Variants in SGCZ observed in about 807,000 individuals in gnomAD.
SGCZ encodes the protein sarcoglycan zeta, also known as zeta-sarcoglycan.
Under a neutral mutation model 41.3 loss-of-function variants are expected in SGCZ, and 40 were observed. The ratio of observed to expected loss-of-function variants is 0.97; its 90% CI spans 0.75 to 1.26. The LOEUF (loss-of-function observed/expected upper bound fraction) is 1.26. SGCZ is among the 50% of genes most tolerant of loss of function. SGCZ has a pLI of 0.00. For missense variants in SGCZ, 552 were observed against 369.8 expected (o/e 1.49, Z -4.04); for synonymous variants, 206 against 137.5 (o/e 1.50, Z -3.49).
chr8:14,903,827 T>C (rs1337759031), intron 1 of SGCZ, among the ~76,000 whole-genome samples: 3 of 151,936 alleles, frequency 2.0e-5, no homozygotes, highest in African/African-American at 4.8e-5. Flanking sequence ...AGGAGACATA[T>C]TGCTGATTTT....
intron 1 of SGCZ, among the ~76,000 whole-genome samples, chr8:15,002,649 T>A (rs1197607380): frequency 6.6e-6 from 1 of 152,186 alleles, no homozygotes; most frequent in East Asian, 1.9e-4. Flanking sequence ...CTCATCACCT[T>A]CTCAAGCTTT....
intron 2 of SGCZ, among the ~76,000 whole-genome samples, chr8:14,551,507 T>TTATATATAATATATATAA (rs1803830575): frequency 1.9e-4 from 1 of 5,224 alleles, no homozygotes; most frequent in Non-Finnish European, 3.1e-4. Context: ...ATTATATATA[T>TTATATATAATATATATAA]TATATATATT....
intron 4 of SGCZ, among the ~76,000 whole-genome samples, chr8:14,177,498 T>TTTTGTTTG (rs146427241): frequency 3.3e-5 from 5 of 151,032 alleles, no homozygotes; most frequent in African/African-American, 1.2e-4. Context: ...CTGTTTCCTT[T>TTTTGTTTG]TTTGTTTGTT....
chr8:14,860,605 A>G (rs1000941375), intron 1 of SGCZ, among the ~76,000 whole-genome samples: 1 of 151,628 alleles, frequency 6.6e-6, no homozygotes, highest in South Asian at 2.1e-4. Context: ...AAGGAAAATG[A>G]AAAAGACAAG....
intron 1 of SGCZ, among the ~76,000 whole-genome samples, chr8:14,603,412 T>C (rs1324408902): frequency 1.3e-5 from 2 of 152,156 alleles, no homozygotes; most frequent in Non-Finnish European, 2.9e-5. Context: ...GGTTGTTATC[T>C]ATATAAAGAT....
intron 1 of SGCZ, among the ~76,000 whole-genome samples, chr8:15,145,123 C>G (rs1390608275): frequency 6.6e-6 from 1 of 152,134 alleles, no homozygotes; most frequent in Admixed American, 6.5e-5. Context: ...TTCCCCAAGC[C>G]CTGCCGTATC....
chr8:14,370,878 CTG>C (rs1803885084), intron 2 of SGCZ, among the ~76,000 whole-genome samples: 1 of 151,890 alleles, frequency 6.6e-6, no homozygotes, highest in Admixed American at 6.6e-5. Flanking sequence ...TTCTTACTGA[CTG>C]TGTAATACAA....
At chr8:15,177,000 C>CA (rs1358210180) in intron 1 of SGCZ, among the ~76,000 whole-genome samples, 5 of 149,916 alleles carry the variant, frequency 3.3e-5, no homozygotes, top group East Asian at 2.0e-4. Context: ...GACTTTGTTT[C>CA]AAAAAAAAGA....
rs138888231 is a variant in SGCZ at position 14,554,990 on chromosome 8, C to T, written c.40-64G>A. 1.8e-5 allele frequency: 25 copies of T among 1,423,024 alleles called. No homozygotes were observed. In the East Asian group the frequency reaches 3.7e-4, roughly 21 times the overall value. The allele number at this position is 1,423,024 out of a possible 1,614,324, so 88.1% of individuals were successfully genotyped here. A position where few individuals can be genotyped will look rare whatever the true frequency, so the allele number is the denominator to read the frequency against. On this transcript the variant is annotated intron_variant, in intron 1 of 7. Transcript: ENST00000382080. ...AAAAAGAAGCATTAAAAAAAATAAACCCATGATTTTTTTGAAACAAAAGAA... is the reference window on the plus strand; with the variant it reads ...AAAAAGAAGCATTAAAAAAAATAAATCCATGATTTTTTTGAAACAAAAGAA...
chr8:15,228,754 T>C (rs1372849686), intron 1 of SGCZ, among the ~76,000 whole-genome samples: 2 of 152,224 alleles, frequency 1.3e-5, no homozygotes, highest in Non-Finnish European at 2.9e-5. Flanking sequence ...ATCAGTCTTT[T>C]ACTTTAGGTA....
chr8:14,571,172 G>A (rs1468833333), intron 1 of SGCZ, among the ~76,000 whole-genome samples: 2 of 152,110 alleles, frequency 1.3e-5, no homozygotes, highest in Admixed American at 1.3e-4. Context: ...AAGGTGGCGG[G>A]AAAGGGAGAT....
At chr8:14,452,675 G>A (rs1186021298) in intron 2 of SGCZ, among the ~76,000 whole-genome samples, 4 of 152,004 alleles carry the variant, frequency 2.6e-5, no homozygotes, top group African/African-American at 4.8e-5. Flanking sequence ...AAAGGGAGAG[G>A]TTTTATGTGG....
At chr8:14,258,482 A>G (rs541220454) in intron 3 of SGCZ, among the ~76,000 whole-genome samples, 1 of 152,344 alleles carries the variant, frequency 6.6e-6, no homozygotes, top group South Asian at 2.1e-4. Flanking sequence ...TTCACATGAC[A>G]TTCTGGAAGA....
At chr8:14,677,497 C>G (rs139605802) in intron 1 of SGCZ, among the ~76,000 whole-genome samples, 1 of 152,004 alleles carries the variant, frequency 6.6e-6, no homozygotes, top group Non-Finnish European at 1.5e-5. Context: ...ATGGGCCGGG[C>G]GGGGTGGCTC....
At chr8:14,437,852 G>C (rs978589216) in intron 2 of SGCZ, among the ~76,000 whole-genome samples, 11 of 151,356 alleles carry the variant, frequency 7.3e-5, no homozygotes, top group Non-Finnish European at 1.3e-4. Flanking sequence ...AGGATTTGTG[G>C]CTTTTGTATA....
chr8:15,173,539 T>C (rs998711772), intron 1 of SGCZ, among the ~76,000 whole-genome samples: 1 of 152,216 alleles, frequency 6.6e-6, no homozygotes, highest in Middle Eastern at 3.2e-3. Context: ...TTGTATATTA[T>C]AATATGTAGT....
At chr8:14,219,872 T>A (rs1210822097) in intron 4 of SGCZ, among the ~76,000 whole-genome samples, 1 of 151,882 alleles carries the variant, frequency 6.6e-6, no homozygotes, top group Non-Finnish European at 1.5e-5. Context: ...GGGAAAACGT[T>A]TCTACAACCA....
At chr8:14,513,263 C>G (rs1802517551) in intron 2 of SGCZ, among the ~76,000 whole-genome samples, 1 of 152,098 alleles carries the variant, frequency 6.6e-6, no homozygotes, top group African/African-American at 2.4e-5. Context: ...GTCTTGAACT[C>G]ATGGGCTTAA....
intron 1 of SGCZ, among the ~76,000 whole-genome samples, chr8:14,936,254 A>C (rs1020406996): frequency 3.9e-5 from 6 of 151,920 alleles, no homozygotes; most frequent in African/African-American, 1.2e-4. Flanking sequence ...ATGGGGTTAC[A>C]TTCTGATAAA....
Sources: gnomAD v4.1 joint callset for allele counts (sites outside exome capture counted in the v4.1 genomes callset) on GRCh38, gnomAD v4.1.1 for gene constraint, MANE v1.5 for transcripts, NCBI Gene and HGNC (gene_info 2026-07-23, HGNC 2026-07-21) for gene names.